Variants in PRR16 observed in about 807,000 individuals in gnomAD.
PRR16 encodes the protein protein Largen.
PRR16 carries 6 observed loss-of-function variants against 18.2 expected under a neutral mutation model. The observed-to-expected ratio is 0.33, with a 90% confidence interval of 0.18 to 0.65. PRR16 has a LOEUF of 0.65. PRR16 is among the 30% of genes least tolerant of loss of function. The pLI is 0.74. For synonymous variants in PRR16, 151 were observed against 147.8 expected (o/e 1.02, Z -0.16); for missense variants, 412 against 376.6 (o/e 1.09, Z -0.78).
chr5:120,546,244 G>A (rs1752070249), intron 1 of PRR16, among the ~76,000 whole-genome samples: 1 of 152,056 alleles, frequency 6.6e-6, no homozygotes, highest in South Asian at 2.1e-4. Flanking sequence ...TTAGAATACA[G>A]TGGGAATGGT....
chr5:120,616,661 G>A (rs1169495591), intron 1 of PRR16, among the ~76,000 whole-genome samples: 1 of 152,078 alleles, frequency 6.6e-6, no homozygotes, highest in Non-Finnish European at 1.5e-5. Flanking sequence ...GTCTCTTCCT[G>A]ATGACTGTCC....
rs142481496 is a variant in PRR16, at chr5:120,464,800, A to G, written c.159+155A>G. ...GACTTTCTTTGCTCCTGGAGTCCTG[A>G]GAGGAGTTGTTGTTGCACTTTTTAA... On this transcript the variant is annotated intron_variant, in intron 1 of 1. Coordinates refer to ENST00000407149, the MANE Select transcript of PRR16 (RefSeq NM_001300783.2). 2.6e-3 allele frequency among the ~76,000 whole-genome samples: 401 copies of G among 152,102 alleles called. 4 individuals carry two copies. The highest frequency in any genetic ancestry group is 9.3e-3 in the African/African-American group (386 of 41,460).
chr5:120,513,470 AC>A (rs1376421829), intron 1 of PRR16, among the ~76,000 whole-genome samples: 2 of 151,926 alleles, frequency 1.3e-5, no homozygotes. Flanking sequence ...GACCACACTG[AC>A]CCTCTTCCAG....
chr5:120,690,845 A>G (rs1757200675), downstream of PRR16, among the ~76,000 whole-genome samples: 1 of 152,082 alleles, frequency 6.6e-6, no homozygotes, highest in Non-Finnish European at 1.5e-5. Context: ...AAGCACTTGG[A>G]TTTATCATTC....
intron 1 of PRR16, among the ~76,000 whole-genome samples, chr5:120,657,353 G>A (rs368514885): frequency 7.9e-5 from 12 of 151,990 alleles, no homozygotes; most frequent in Admixed American, 2.6e-4. Context: ...TGGTGTGCTT[G>A]AGCCAGCTCA....
intron 1 of PRR16, among the ~76,000 whole-genome samples, chr5:120,506,259 T>C (rs944368891): frequency 2.0e-5 from 3 of 152,224 alleles, no homozygotes; most frequent in Non-Finnish European, 4.4e-5. Context: ...CTTTATAACT[T>C]ATTTCACATA....
chr5:120,547,570 T>A (rs1752113078), intron 1 of PRR16, among the ~76,000 whole-genome samples: 1 of 151,954 alleles, frequency 6.6e-6, no homozygotes, highest in African/African-American at 2.4e-5. Context: ...TTTTTTTTTT[T>A]TACAGTAGTA....
In PRR16 at chr5:120,637,735, A is replaced by G. The variant is rs1310650711; in HGVS notation, c.160-48219A>G. 3.9e-5 allele frequency among the ~76,000 whole-genome samples: 6 copies of G among 152,070 alleles called. No homozygotes were observed. The East Asian group carries it at 1.2e-3, about 29-fold the overall frequency. ...TGATGGGTATGCCAAAATCTCAGAA[A>G]TCACCCACTTGGGAGAGACTGAGGT... On this transcript the variant is annotated intron_variant, in intron 1 of 1. Coordinates refer to ENST00000407149, the MANE Select transcript of PRR16 (RefSeq NM_001300783.2).
intron 1 of PRR16, among the ~76,000 whole-genome samples, chr5:120,647,597 A>G (rs1755642265): frequency 6.6e-6 from 1 of 152,088 alleles, no homozygotes; most frequent in Non-Finnish European, 1.5e-5. Context: ...TTATAATATC[A>G]CTATTCAAAT....
intron 1 of PRR16, among the ~76,000 whole-genome samples, chr5:120,594,131 A>C (rs918361238): frequency 6.6e-6 from 1 of 152,170 alleles, no homozygotes; most frequent in Non-Finnish European, 1.5e-5. Flanking sequence ...TATTAAACAT[A>C]GTATTGGAAG....
chr5:120,612,832 A>G (rs186827423), intron 1 of PRR16, among the ~76,000 whole-genome samples: 18 of 152,340 alleles, frequency 1.2e-4, no homozygotes, highest in South Asian at 2.1e-4. Context: ...TGAAATATGT[A>G]TATAATATTA....
chr5:120,483,350 G>A (rs2691095), intron 1 of PRR16, among the ~76,000 whole-genome samples: 142,331 of 152,214 alleles, frequency 0.94, 66,937 homozygotes, highest in East Asian at 1. Context: ...TTTGGACTTG[G>A]TGAGCCCTGT....
Position 120,544,519 on chromosome 5 carries a change from T to G in PRR16, c.159+79874T>G, listed in dbSNP as rs533037541. 2.0e-5 allele frequency among the ~76,000 whole-genome samples: 3 copies of G among 152,282 alleles called. No individual in the cohort carries two copies. The East Asian group carries it at 5.8e-4, about 29-fold the overall frequency. On this transcript the variant is annotated intron_variant, in intron 1 of 1. Coordinates refer to ENST00000407149, the MANE Select transcript of PRR16 (RefSeq NM_001300783.2). ...ACACATGTATGTGTATGCATGTGTG[T>G]ATATGTACAGCTATTTATGTATATG...
At chr5:120,547,665 A>T (rs1752116585) in intron 1 of PRR16, among the ~76,000 whole-genome samples, 1 of 152,104 alleles carries the variant, frequency 6.6e-6, no homozygotes, top group Admixed American at 6.6e-5. Context: ...TGTTAAAAGA[A>T]CAGAATGTCA....
intron 1 of PRR16, among the ~76,000 whole-genome samples, chr5:120,556,794 A>C (rs1752427223): frequency 6.6e-6 from 1 of 151,894 alleles, no homozygotes; most frequent in Non-Finnish European, 1.5e-5. Flanking sequence ...ACTAATCCTC[A>C]ACCAGCTCTC....
chr5:120,598,032 C>T (rs999086308), intron 1 of PRR16, among the ~76,000 whole-genome samples: 1 of 151,824 alleles, frequency 6.6e-6, no homozygotes, highest in Non-Finnish European at 1.5e-5. Flanking sequence ...TACAAACATA[C>T]AGGACCGTCC....
At chr5:120,516,956 G>A (rs1434342597) in intron 1 of PRR16, among the ~76,000 whole-genome samples, 1 of 152,124 alleles carries the variant, frequency 6.6e-6, no homozygotes, top group African/African-American at 2.4e-5. Context: ...ATCCTGCTGG[G>A]TTTGTATCAT....
chr5:120,702,031 C>CT, the PRR16 span, among the ~76,000 whole-genome samples: 1 of 151,574 alleles, frequency 6.6e-6, no homozygotes, highest in Admixed American at 6.6e-5. Flanking sequence ...GAACACAGGC[C>CT]AAGGGAGTAG....
chr5:120,778,702 A>G, the PRR16 span, among the ~76,000 whole-genome samples: 2 of 152,152 alleles, frequency 1.3e-5, no homozygotes, highest in African/African-American at 4.8e-5. Context: ...TGTTTTGGTA[A>G]GGGAGACAAG....
Sources: gnomAD v4.1 joint callset for allele counts (sites outside exome capture counted in the v4.1 genomes callset) on GRCh38, gnomAD v4.1.1 for gene constraint, MANE v1.5 for transcripts, NCBI Gene and HGNC (gene_info 2026-07-23, HGNC 2026-07-21) for gene names.